The following OR56A3 variants were observed in gnomAD, a reference collection of about 807,000 sequenced individuals.
OR56A3 encodes olfactory receptor family 56 subfamily A member 3, also known as olfactory receptor 56A3.
OR56A3 carries 23 observed loss-of-function variants against 17.5 expected under a neutral mutation model. The observed-to-expected ratio is 1.32, with a 90% CI of 0.95 to 1.87. The LOEUF is 1.87. Ranked by LOEUF, OR56A3 falls within the 40% of genes most tolerant of loss-of-function variation. OR56A3 has a pLI of 0.00. For missense variants in OR56A3, 366 were observed against 380.1 expected (o/e 0.96, Z 0.31); for synonymous variants, 175 against 150.6 (o/e 1.16, Z -1.19).
At chr11:5,983,842 C>A in the OR56A3 span, among the ~76,000 whole-genome samples, 1 of 152,008 alleles carries the variant, frequency 6.6e-6, no homozygotes, top group Admixed American at 6.6e-5. Context: ...CACTGCCTGC[C>A]TCATGGATAT....
the OR56A3 span, chr11:5,985,849 G>C: frequency 8.4e-7 from 1 of 1,188,682 alleles, no homozygotes; most frequent in South Asian, 1.6e-5. Context: ...ACTGCAAAAT[G>C]GTCTGTATTC....
rs1789838701 is a variant in OR56A3, at chr11:5,945,052, AC to A, written c.-66del. 1 of 152,206 alleles carries A rather than the reference AC, an allele frequency of 6.6e-6. No individual in the cohort carries two copies. Among genetic ancestry groups the A allele is most frequent in the African/African-American group, 2.4e-5 (1 of 41,446 alleles). 9.4% of individuals were successfully genotyped at this position (152,206 alleles called of 1,614,324 possible). A position where few individuals can be genotyped will look rare whatever the true frequency, so the allele number is the denominator to read the frequency against. On this transcript the variant is annotated 5_prime_UTR_variant, in exon 2 of 3. Transcript: ENST00000641160. ...TGGGGAATAGGAAAGACAACTGAAAACAAAAAGCCTACCTGAACCTCTTCCA... is the reference window on the plus strand; with the variant it reads ...TGGGGAATAGGAAAGACAACTGAAAAAAAAAGCCTACCTGAACCTCTTCCA...
At position 5,943,763 on chromosome 11, in the gene OR56A3, C is replaced by G. The variant is rs73400283; in HGVS notation, c.-313-1043C>G. Reference sequence around the variant, plus strand: ...AAAAAGAATAAAATACCTGAGAATACAACTAACCAAGAGGCTGTGATTTTT... The same window carrying G: ...AAAAAGAATAAAATACCTGAGAATAGAACTAACCAAGAGGCTGTGATTTTT... On this transcript the variant is annotated intron_variant, in intron 1 of 2. Transcript: ENST00000641160. Among the ~76,000 whole-genome samples, 1,061 of 152,236 alleles carry G rather than the reference C, an allele frequency of 7.0e-3. 12 individuals are homozygous for G. Among genetic ancestry groups the G allele is most frequent in the African/African-American group, 0.024 (1,000 of 41,540 alleles).
chr11:6,021,923 G>A, the OR56A3 span: 1 of 152,094 alleles, frequency 6.6e-6, no homozygotes, highest in African/African-American at 2.4e-5. Context: ...TTCATTTCCA[G>A]TTGGAAATCA....
chr11:5,987,275 T>A, the OR56A3 span, among the ~76,000 whole-genome samples: 1 of 152,204 alleles, frequency 6.6e-6, no homozygotes, highest in Non-Finnish European at 1.5e-5. Context: ...GTTTTTGAAA[T>A]TAGTCTTCCT....
At chr11:5,954,133 C>A (rs187090991), downstream of OR56A3, among the ~76,000 whole-genome samples, 1 of 152,262 alleles carries the variant, frequency 6.6e-6, no homozygotes, top group East Asian at 1.9e-4. Context: ...AGAACTAACT[C>A]TTTAATTGCA....
At chr11:5,960,743 C>T in the OR56A3 span, among the ~76,000 whole-genome samples, 1 of 151,988 alleles carries the variant, frequency 6.6e-6, no homozygotes, top group Non-Finnish European at 1.5e-5. Context: ...TGAGGAGCCC[C>T]TCTGCCCGGC....
At chr11:5,963,906 T>C in the OR56A3 span, among the ~76,000 whole-genome samples, 3 of 152,008 alleles carry the variant, frequency 2.0e-5, no homozygotes, top group Non-Finnish European at 4.4e-5. Flanking sequence ...GTTCTTTTTT[T>C]CTCCTCTGTC....
the OR56A3 span, among the ~76,000 whole-genome samples, chr11:5,966,222 A>C: frequency 2.6e-5 from 4 of 151,088 alleles, no homozygotes; most frequent in African/African-American, 4.9e-5. Context: ...AAAAAAAAAA[A>C]AAAAAACCGG....
At chr11:5,956,950 G>A in the OR56A3 span, among the ~76,000 whole-genome samples, 1 of 152,182 alleles carries the variant, frequency 6.6e-6, no homozygotes, top group African/African-American at 2.4e-5. Context: ...GAGGTCAGGA[G>A]TTCGAGACCA....
At chr11:5,959,934 C>A in the OR56A3 span, among the ~76,000 whole-genome samples, 3 of 152,206 alleles carry the variant, frequency 2.0e-5, no homozygotes, top group East Asian at 5.8e-4. Context: ...TCCTTTTCCT[C>A]ATTGTGTGTT....
chr11:5,986,759 C>A, the OR56A3 span: 1 of 1,613,976 alleles, frequency 6.2e-7, no homozygotes, highest in Non-Finnish European at 8.5e-7. Flanking sequence ...ACATTGCCCA[C>A]TAAAGCAAGG....
At chr11:5,964,351 C>A in the OR56A3 span, among the ~76,000 whole-genome samples, 5 of 152,194 alleles carry the variant, frequency 3.3e-5, no homozygotes, top group African/African-American at 1.2e-4. Flanking sequence ...TCAGTCATCA[C>A]AGTATTGCTT....
chr11:5,960,725 C>G, the OR56A3 span, among the ~76,000 whole-genome samples: 2 of 151,926 alleles, frequency 1.3e-5, no homozygotes, highest in Non-Finnish European at 2.9e-5. Flanking sequence ...TGCCCATCGT[C>G]TGGGATGTGA....
chr11:5,958,063 C>T, the OR56A3 span, among the ~76,000 whole-genome samples: 14 of 152,134 alleles, frequency 9.2e-5, no homozygotes, highest in Admixed American at 8.5e-4. Context: ...AATGACATGA[C>T]AAATTGTAGA....
chr11:5,984,046 G>A, the OR56A3 span, among the ~76,000 whole-genome samples: 1 of 152,290 alleles, frequency 6.6e-6, no homozygotes, highest in East Asian at 1.9e-4. Context: ...TGTGCTTGGA[G>A]TCGAATTTTC....
the OR56A3 span, among the ~76,000 whole-genome samples, chr11:5,969,394 A>C: frequency 6.6e-6 from 1 of 152,238 alleles, no homozygotes; most frequent in Non-Finnish European, 1.5e-5. Context: ...TCATAAAGAC[A>C]GTAGAAACAT....
chr11:6,014,963 A>G, the OR56A3 span, among the ~76,000 whole-genome samples: 4 of 131,250 alleles, frequency 3.0e-5, no homozygotes, highest in South Asian at 2.7e-4. Context: ...AGCATTCAAG[A>G]TGCAGCCTAT....
chr11:6,012,262 T>C, the OR56A3 span, among the ~76,000 whole-genome samples: 1 of 152,210 alleles, frequency 6.6e-6, no homozygotes, highest in Non-Finnish European at 1.5e-5. Context: ...AGACCTGAAG[T>C]GGGCAGTTCC....
Sources: allele counts gnomAD v4.1 joint callset (sites outside exome capture counted in the v4.1 genomes callset), GRCh38; gene constraint gnomAD v4.1.1; transcripts MANE v1.5; gene names NCBI Gene and HGNC (gene_info 2026-07-23, HGNC 2026-07-21).